The following PCDH11Y variants were observed in gnomAD, a reference collection of about 807,000 sequenced individuals.
The protein encoded by PCDH11Y is protocadherin 11 Y-linked.
For missense variants in PCDH11Y, 12 were observed against 224.8 expected (o/e 0.05, Z 6.05); for synonymous variants, 9 against 83.6 (o/e 0.11, Z 4.87).
downstream of PCDH11Y, among the ~76,000 whole-genome samples, chrY:5,103,621 G>A (rs2052782916): frequency 6.2e-5 from 2 of 32,291 alleles, no homozygotes; most frequent in South Asian, 6.8e-4. Flanking sequence ...TATAATGGTC[G>A]TCTTTGGCAT....
At chrY:5,160,774 C>T in intron 2 of PCDH11Y, among the ~76,000 whole-genome samples, 1 of 32,076 alleles carries the variant, frequency 3.1e-5, no homozygotes, top group Non-Finnish European at 7.7e-5. Context: ...GGAATCTAGT[C>T]GAATTTACAC....
At chrY:5,651,498 T>G in intron 4 of PCDH11Y, among the ~76,000 whole-genome samples, 1 of 33,185 alleles carries the variant, frequency 3.0e-5, no homozygotes, top group Non-Finnish European at 7.5e-5. Context: ...TAATGATATC[T>G]TTATTATTCA....
At chrY:5,496,988 T>C in intron 2 of PCDH11Y, among the ~76,000 whole-genome samples, 1 of 33,628 alleles carries the variant, frequency 3.0e-5, no homozygotes, top group South Asian at 6.6e-4. Flanking sequence ...TCCTCTTTTA[T>C]GGCTGCATAG....
intron 3 of PCDH11Y, among the ~76,000 whole-genome samples, chrY:5,569,848 A>T: frequency 3.0e-5 from 1 of 33,301 alleles, no homozygotes; most frequent in Non-Finnish European, 7.4e-5. Context: ...ATGTTTAAAG[A>T]AACAAAGTAA....
At chrY:5,388,348 G>A (rs2573926) in intron 2 of PCDH11Y, among the ~76,000 whole-genome samples, 2 of 32,438 alleles carry the variant, frequency 6.2e-5, no homozygotes, top group Non-Finnish European at 1.5e-4. Context: ...GGCTTTTTCC[G>A]CTGCTTCCTC....
At chrY:5,418,871 G>C in intron 2 of PCDH11Y, among the ~76,000 whole-genome samples, 1 of 32,901 alleles carries the variant, frequency 3.0e-5, no homozygotes, top group South Asian at 6.9e-4. Flanking sequence ...TGGAGCTGGG[G>C]AATCCTTAGG....
chrY:5,136,681 T>G, intron 2 of PCDH11Y, among the ~76,000 whole-genome samples: 1 of 32,720 alleles, frequency 3.1e-5, no homozygotes, highest in African/African-American at 1.2e-4. Flanking sequence ...AAATGCAAAA[T>G]GTAGTGGAAA....
At chrY:5,379,563 G>C in intron 2 of PCDH11Y, among the ~76,000 whole-genome samples, 2 of 32,343 alleles carry the variant, frequency 6.2e-5, no homozygotes, top group Non-Finnish European at 1.5e-4. Context: ...ATAAAAACCC[G>C]AGACCCTAGC....
At chrY:5,311,242 T>A (rs2053099190) in intron 2 of PCDH11Y, among the ~76,000 whole-genome samples, 2 of 31,095 alleles carry the variant, frequency 6.4e-5, no homozygotes, top group Non-Finnish European at 1.5e-4. Context: ...ACAAAACTTT[T>A]TTTGATGAGA....
intron 2 of PCDH11Y, among the ~76,000 whole-genome samples, chrY:5,452,665 G>A (rs1602927878): frequency 3.0e-5 from 1 of 33,596 alleles, no homozygotes; most frequent in Non-Finnish European, 7.4e-5. Flanking sequence ...ATTATTGTTG[G>A]ATTTAGACCC....
intron 2 of PCDH11Y, among the ~76,000 whole-genome samples, chrY:5,212,888 C>G (rs2124651259): frequency 6.6e-5 from 2 of 30,252 alleles, no homozygotes; most frequent in South Asian, 1.6e-3. Flanking sequence ...AATTCAAAAT[C>G]TGCTACTAGG....
intron 4 of PCDH11Y, among the ~76,000 whole-genome samples, chrY:5,627,013 A>G (rs2124703194): frequency 1.2e-4 from 4 of 32,233 alleles, no homozygotes; most frequent in Non-Finnish European, 3.0e-4. Context: ...TTTTTTTTTA[A>G]CAGAGTCCTC....
At chrY:5,661,662 AACACTG>A (rs2053541282) in intron 4 of PCDH11Y, among the ~76,000 whole-genome samples, 1 of 32,885 alleles carries the variant, frequency 3.0e-5, no homozygotes, top group Non-Finnish European at 7.5e-5. Context: ...ATATTGTTGG[AACACTG>A]GGACCACTAG....
chrY:5,034,154 CT>C (rs2052595222), intron 3 of PCDH11Y, among the ~76,000 whole-genome samples: 2 of 32,653 alleles, frequency 6.1e-5, no homozygotes. Flanking sequence ...TCAATCATCC[CT>C]TTTCTCTCTT....
intron 1 of PCDH11Y, among the ~76,000 whole-genome samples, chrY:5,008,580 T>C: frequency 3.1e-5 from 1 of 32,494 alleles, no homozygotes; most frequent in Non-Finnish European, 7.6e-5. Context: ...AATGAAGGAA[T>C]TGTAAGTTAC....
At chrY:5,413,326 G>T in intron 2 of PCDH11Y, among the ~76,000 whole-genome samples, 1 of 33,763 alleles carries the variant, frequency 3.0e-5, no homozygotes, top group Non-Finnish European at 7.3e-5. Flanking sequence ...CTGCTGGGGT[G>T]ATTACCCTTA....
chrY:5,346,270 G>GC (rs2053152431), intron 2 of PCDH11Y, among the ~76,000 whole-genome samples: 1 of 32,203 alleles, frequency 3.1e-5, no homozygotes, highest in East Asian at 8.4e-4. Context: ...TCTCTCTGTT[G>GC]CCAGGCTGGA....
chrY:5,309,344 T>C, intron 2 of PCDH11Y, among the ~76,000 whole-genome samples: 1 of 33,117 alleles, frequency 3.0e-5, no homozygotes, highest in African/African-American at 1.2e-4. Flanking sequence ...GTGATTATTA[T>C]ACAATGTGAC....
At chrY:5,188,826 A>G in intron 2 of PCDH11Y, among the ~76,000 whole-genome samples, 1 of 34,674 alleles carries the variant, frequency 2.9e-5, no homozygotes, top group East Asian at 7.7e-4. Context: ...TAAAGAAGAC[A>G]TTAATAAATA....
Sources: gnomAD v4.1 joint callset for allele counts (sites outside exome capture counted in the v4.1 genomes callset) on GRCh38, gnomAD v4.1.1 for gene constraint, MANE v1.5 for transcripts, NCBI Gene and HGNC (gene_info 2026-07-23, HGNC 2026-07-21) for gene names.